Variants in ZW10 observed in about 807,000 individuals in gnomAD.
ZW10 encodes zw10 kinetochore protein, also known as centromere/kinetochore protein zw10 homolog.
Under a neutral mutation model 87.8 loss-of-function variants are expected in ZW10, and 53 were observed. The ratio of observed to expected loss-of-function variants is 0.60; its 90% confidence interval spans 0.48 to 0.76. The LOEUF is 0.76. Among genes scored for constraint, ZW10 ranks in the 30% least tolerant of loss-of-function variants. The pLI, the probability that ZW10 is intolerant of heterozygous loss-of-function variation, is 0.00. For synonymous variants in ZW10, 312 were observed against 329.2 expected (o/e 0.95, Z 0.57); for missense variants, 837 against 923.0 (o/e 0.91, Z 1.21).
At chr11:113,747,364 T>G (rs572271124) in intron 9 of ZW10, among the ~76,000 whole-genome samples, 167 bp downstream of exon 9, 1 of 152,254 alleles carries the variant, frequency 6.6e-6, no homozygotes, top group East Asian at 1.9e-4. Flanking sequence ...ATGGAAGAGG[T>G]GGAGATTAGG....
At chr11:113,765,409 A>C (rs1175781390) in intron 2 of ZW10, among the ~76,000 whole-genome samples, 1 of 152,150 alleles carries the variant, frequency 6.6e-6, no homozygotes, top group East Asian at 1.9e-4. Flanking sequence ...AGATCCTACC[A>C]ATGGAATGTA....
chr11:113,759,008 TAACA>T (rs1277325069), intron 5 of ZW10, among the ~76,000 whole-genome samples: 1 of 152,120 alleles, frequency 6.6e-6, no homozygotes, highest in Non-Finnish European at 1.5e-5. Flanking sequence ...ACGCTGTCTC[TAACA>T]AAAAATTTAA....
chr11:113,737,700 G>A lies in ZW10; in HGVS notation c.1888C>T (p.Leu630=), dbSNP rs138147831. 1.4e-4 allele frequency: 220 copies of A among 1,609,342 alleles called. No homozygotes were observed. The African/African-American group carries it at 2.5e-3, about 18-fold the overall frequency. The change falls in exon 14 of 16, where the codon CTG becomes TTG. Residue 630 remains leucine (L), a synonymous_variant. Coordinates refer to ENST00000200135, the MANE Select transcript of ZW10 (RefSeq NM_004724.4). The part of the protein sequence containing the change: ...SAASKAVRQV[L]HQLKRLGIVW... ...ATTCCAAGTCTCTTTAGTTGGTGCA[G>A]TACCTGTAGAAGAATACAGCTATTT...
intron 7 of ZW10, among the ~76,000 whole-genome samples, chr11:113,754,502 C>T (rs943054833): frequency 2.2e-4 from 33 of 151,950 alleles, no homozygotes; most frequent in South Asian, 1.2e-3. Context: ...TTCCCAGGAC[C>T]CTTAAGGATT....
chr11:113,740,467 C>T (rs1953603227), intron 11 of ZW10, among the ~76,000 whole-genome samples: 1 of 151,952 alleles, frequency 6.6e-6, no homozygotes, highest in Admixed American at 6.6e-5. Flanking sequence ...GCCTGTGGTC[C>T]CAGCTACTTG....
rs149797112 is a variant in ZW10, at chr11:113,755,874, G to A, written c.925+1788C>T. ...TGACTCACTGAAGGCTCAGATGATC[G>A]TTGGCACTTTTTAATAATAATATAT... On this transcript the variant is annotated intron_variant, in intron 7 of 15. Coordinates refer to ENST00000200135, the MANE Select transcript of ZW10 (RefSeq NM_004724.4). Among the ~76,000 whole-genome samples the A allele has an allele frequency of 2.8e-3, 420 of 152,264 alleles. 2 individuals are homozygous for A. The highest frequency in any genetic ancestry group is 9.5e-3 in the African/African-American group (396 of 41,538).
At chr11:113,768,755 C>G in intron 2 of ZW10, 78 bp downstream of exon 2, 1 of 1,461,342 alleles carries the variant, frequency 6.8e-7, no homozygotes, top group Non-Finnish European at 9.2e-7. Flanking sequence ...AAAAGTTGTA[C>G]ACAATTAAGC....
intron 1 of ZW10, among the ~76,000 whole-genome samples, chr11:113,769,244 A>C (rs1000664495): frequency 1.3e-5 from 2 of 152,126 alleles, no homozygotes; most frequent in East Asian, 1.9e-4. Flanking sequence ...GTCGATTAAA[A>C]AATTAAAAAA....
chr11:113,760,079 G>A (rs1591420218), intron 5 of ZW10, 130 bp downstream of exon 5: 2 of 1,129,430 alleles, frequency 1.8e-6, no homozygotes, highest in South Asian at 1.9e-5. Flanking sequence ...TTGCTAACAT[G>A]AGTGCTCAAT....
Position 113,736,657 on chromosome 11 carries a change from T to C in ZW10, c.2182A>G (p.Met728Val). The C allele has an allele frequency of 6.2e-7, 1 of 1,614,230 alleles. No individual in the cohort carries two copies. The highest frequency in any genetic ancestry group is 8.5e-7 in the Non-Finnish European group (1 of 1,180,040). The change falls in exon 15 of 16, where the codon ATG (methionine) becomes GTG (valine). Residue 728 changes from methionine (M) to valine (V), a missense_variant. By Grantham distance (21) the Met-to-Val change is conservative. Transcript: ENST00000200135. ...TCTTGCAAGCTGGCTTGTAGCATCATCATCAATTCCTTGAATGGCATCCAT... is the reference window on the plus strand; with the variant it reads ...TCTTGCAAGCTGGCTTGTAGCATCACCATCAATTCCTTGAATGGCATCCAT... ...PKWMPFKELM[M>V]MLQASLQEIG... is the part of the protein sequence containing the mutation.
At chr11:113,758,459 A>G (rs1275457250) in intron 6 of ZW10, 95 bp downstream of exon 6, 1 of 1,244,826 alleles carries the variant, frequency 8.0e-7, no homozygotes, top group African/African-American at 1.5e-5. Context: ...CTATACTAAT[A>G]CTCTGCAGAG....
At chr11:113,744,170 G>C in intron 9 of ZW10, 130 bp from the exon 10 acceptor site, 1 of 672,838 alleles carries the variant, frequency 1.5e-6, no homozygotes, top group Non-Finnish European at 2.5e-6. Context: ...GGCAGATCAC[G>C]AGGTCAGGAG....
intron 15 of ZW10, 81 bp downstream of exon 15, chr11:113,736,539 G>GA: frequency 7.0e-7 from 1 of 1,430,580 alleles, no homozygotes; most frequent in East Asian, 2.3e-5. Context: ...AGGAAACAGG[G>GA]AAAAGCCCTG....
At chr11:113,768,746 A>G in intron 2 of ZW10, 87 bp downstream of exon 2, 1 of 1,404,044 alleles carries the variant, frequency 7.1e-7, no homozygotes, top group Non-Finnish European at 9.6e-7. Context: ...GAGGGTTTAA[A>G]AAGTTGTACA....
chr11:113,747,467 A>G, intron 9 of ZW10, 64 bp downstream of exon 9: 1 of 1,407,520 alleles, frequency 7.1e-7, no homozygotes, highest in Non-Finnish European at 9.8e-7. Flanking sequence ...TACTATATGC[A>G]TCTCAAAATG....
chr11:113,738,437 A>G (rs755710356), intron 12 of ZW10, 43 bp from the exon 13 acceptor site: 37 of 1,594,292 alleles, frequency 2.3e-5, no homozygotes, highest in Middle Eastern at 1.7e-4. Flanking sequence ...AAGCTGCTCA[A>G]TTACACACTG....
chr11:113,749,807 A>G (rs921208608), intron 7 of ZW10, among the ~76,000 whole-genome samples: 3 of 152,188 alleles, frequency 2.0e-5, no homozygotes, highest in South Asian at 2.1e-4. Context: ...ATCACATATT[A>G]CTGTTGTATT....
intron 2 of ZW10, 95 bp from the exon 3 acceptor site, chr11:113,761,013 T>C: frequency 1.1e-6 from 1 of 886,160 alleles, no homozygotes. Flanking sequence ...TAGGTCAACA[T>C]AATTTATGTT....
chr11:113,767,500 T>A (rs2134898457), intron 2 of ZW10, among the ~76,000 whole-genome samples: 1 of 152,276 alleles, frequency 6.6e-6, no homozygotes, highest in Non-Finnish European at 1.5e-5. Context: ...TCAATTTTTC[T>A]CCATTCCCAC....
Sources: allele counts gnomAD v4.1 joint callset (sites outside exome capture counted in the v4.1 genomes callset), GRCh38; gene constraint gnomAD v4.1.1; transcripts MANE v1.5; gene names NCBI Gene and HGNC (gene_info 2026-07-23, HGNC 2026-07-21).